The following ZMYM2 variants were observed in gnomAD, a reference collection of about 807,000 sequenced individuals.
The protein encoded by ZMYM2 is zinc finger MYM-type protein 2.
Under a neutral mutation model 162.8 loss-of-function variants are expected in ZMYM2, and 56 were observed. That is an observed-to-expected ratio of 0.34 (90% CI 0.28 to 0.43). The LOEUF (loss-of-function observed/expected upper bound fraction) is 0.43. Ranked by LOEUF, ZMYM2 falls within the 20% of genes least tolerant of loss-of-function variation. ZMYM2 has a pLI of 1.00. For missense variants in ZMYM2, 1,275 were observed against 1,621.8 expected (o/e 0.79, Z 3.67); for synonymous variants, 510 against 541.6 (o/e 0.94, Z 0.81).
intron 15 of ZMYM2, among the ~76,000 whole-genome samples, chr13:20,059,207 G>GT (rs1409664977): frequency 3.3e-5 from 5 of 149,588 alleles, no homozygotes; most frequent in Admixed American, 6.7e-5. Context: ...TTTAAAGGAT[G>GT]TTTTCTTTCT....
intron 6 of ZMYM2, among the ~76,000 whole-genome samples, chr13:20,009,210 G>C (rs185871949): frequency 1.3e-5 from 2 of 152,048 alleles, no homozygotes; most frequent in African/African-American, 4.8e-5. Context: ...GGACTTCAGC[G>C]CAGACAAAAT....
the ZMYM2 span, among the ~76,000 whole-genome samples, chr13:19,878,590 C>T: frequency 1.4e-5 from 2 of 146,146 alleles, no homozygotes; most frequent in Non-Finnish European, 3.0e-5. Flanking sequence ...GGCACCATCT[C>T]GGCTCACTGC....
the ZMYM2 span, among the ~76,000 whole-genome samples, chr13:19,912,913 G>A: frequency 6.6e-6 from 1 of 152,142 alleles, no homozygotes; most frequent in African/African-American, 2.4e-5. Flanking sequence ...CAAAATAGAG[G>A]CATAACACCT....
At chr13:19,907,729 T>C in the ZMYM2 span, among the ~76,000 whole-genome samples, 3 of 109,712 alleles carry the variant, frequency 2.7e-5, no homozygotes, top group South Asian at 9.6e-4. Context: ...GCCACTGCAC[T>C]CCAGCCTGGG....
chr13:19,919,840 G>C, the ZMYM2 span, among the ~76,000 whole-genome samples: 4 of 151,968 alleles, frequency 2.6e-5, no homozygotes, highest in South Asian at 8.3e-4. Flanking sequence ...ACACCTGGCC[G>C]ATTTTTGTAT....
At chr13:19,930,675 G>A in the ZMYM2 span, among the ~76,000 whole-genome samples, 1 of 150,572 alleles carries the variant, frequency 6.6e-6, no homozygotes, top group Non-Finnish European at 1.5e-5. Context: ...GAATAGCTGG[G>A]ATTACAGACG....
In ZMYM2 at chr13:20,039,473, G is replaced by GT. The variant is rs71070289; in HGVS notation, c.2292+2582dup. Among the ~76,000 whole-genome samples the GT allele has an allele frequency of 2.4e-3, 240 of 101,200 alleles. 2 individuals carry two copies. Among genetic ancestry groups the GT allele is most frequent in the South Asian group, 3.8e-3 (11 of 2,904 alleles). The allele number at this position is 101,200 out of a possible 152,430, so 66.4% of individuals were successfully genotyped here. A position where few individuals can be genotyped will look rare whatever the true frequency, so the allele number is the denominator to read the frequency against. On this transcript the variant is annotated intron_variant, in intron 12 of 24. Coordinates refer to ENST00000610343, the MANE Select transcript of ZMYM2 (RefSeq NM_197968.4). ...TTCTTCAATACCTAGTTTATTGAGAGTTTTTTTTTTTTTTTTTTGACATGG... is the reference window on the plus strand; with the variant it reads ...TTCTTCAATACCTAGTTTATTGAGAGTTTTTTTTTTTTTTTTTTTGACATGG...
the ZMYM2 span, among the ~76,000 whole-genome samples, chr13:19,891,770 C>T: frequency 6.6e-6 from 1 of 151,716 alleles, no homozygotes. Context: ...GCTCAAGATC[C>T]TCCCTCTAAA....
At chr13:19,878,153 A>G in the ZMYM2 span, among the ~76,000 whole-genome samples, 1 of 151,836 alleles carries the variant, frequency 6.6e-6, no homozygotes, top group African/African-American at 2.4e-5. Flanking sequence ...CCTGGGTTCA[A>G]TCGATTCTCC....
chr13:19,893,512 T>G, the ZMYM2 span, among the ~76,000 whole-genome samples: 5 of 151,544 alleles, frequency 3.3e-5, no homozygotes, highest in African/African-American at 7.3e-5. Flanking sequence ...CCAAGGCGGG[T>G]GGATCACTTG....
At chr13:19,873,153 T>G in the ZMYM2 span, among the ~76,000 whole-genome samples, 1 of 152,316 alleles carries the variant, frequency 6.6e-6, no homozygotes, top group Non-Finnish European at 1.5e-5. Flanking sequence ...TCACTCATAC[T>G]GATAGAATAA....
chr13:20,073,069 G>A (rs1052388058), intron 21 of ZMYM2, among the ~76,000 whole-genome samples: 1 of 151,946 alleles, frequency 6.6e-6, no homozygotes, highest in Non-Finnish European at 1.5e-5. Context: ...CACCACATCT[G>A]GCTAATTTTT....
rs1958407901 is a variant in ZMYM2, at chr13:20,088,773, A to G, written c.*2759A>G. The G allele has an allele frequency of 5.1e-6, 1 of 195,548 alleles. No individual in the cohort carries two copies. Among genetic ancestry groups the G allele is most frequent in the African/African-American group, 2.3e-5 (1 of 43,310 alleles). 12.1% of individuals were successfully genotyped at this position (195,548 alleles called of 1,614,324 possible). On this transcript the variant is annotated 3_prime_UTR_variant, in exon 25 of 25. Coordinates refer to ENST00000610343, the MANE Select transcript of ZMYM2 (RefSeq NM_197968.4). The stretch of plus-strand genomic sequence containing the variant: ...CAAATTTATCACTGTTTTTTCTGAC[A>G]GACTTTCCCTTTGTCCTTTCTAGTT...
At chr13:19,977,649 C>G (rs1357793246) in intron 2 of ZMYM2, among the ~76,000 whole-genome samples, 1 of 150,900 alleles carries the variant, frequency 6.6e-6, no homozygotes, top group Non-Finnish European at 1.5e-5. Flanking sequence ...GCCACCACGC[C>G]TGGCTAATTT....
chr13:20,018,839 G>A (rs1450679874), intron 6 of ZMYM2, among the ~76,000 whole-genome samples: 1 of 152,066 alleles, frequency 6.6e-6, no homozygotes, highest in Non-Finnish European at 1.5e-5. Context: ...CAGCACTTTG[G>A]GAGGCCCAGG....
At chr13:20,079,329 AAAAAAAAAAAAAAAG>A (rs1421672264) in intron 21 of ZMYM2, among the ~76,000 whole-genome samples, 2 of 141,864 alleles carry the variant, frequency 1.4e-5, no homozygotes, top group African/African-American at 2.5e-5. Flanking sequence ...AAAAAAAAAA[AAAAAAAAAAAAAAAG>A]GATACTTAAT....
intron 21 of ZMYM2, among the ~76,000 whole-genome samples, chr13:20,075,669 C>CTTTTTTT: frequency 1.8e-5 from 2 of 109,326 alleles, no homozygotes; most frequent in African/African-American, 8.1e-5. Context: ...ACTATAGACA[C>CTTTTTTT]CTTTTTTTTT....
At chr13:19,899,012 G>C in the ZMYM2 span, among the ~76,000 whole-genome samples, 36 of 146,620 alleles carry the variant, frequency 2.5e-4, no homozygotes, top group African/African-American at 8.9e-4. Flanking sequence ...CACAATCCTC[G>C]CTTGATCTCA....
chr13:20,080,211 G>C (rs547216046), intron 21 of ZMYM2, among the ~76,000 whole-genome samples: 2 of 152,258 alleles, frequency 1.3e-5, no homozygotes, highest in Middle Eastern at 6.8e-3. Flanking sequence ...TGATTTGCCA[G>C]GCTTTTATCA....
Sources: gnomAD v4.1 joint callset for allele counts (sites outside exome capture counted in the v4.1 genomes callset) on GRCh38, gnomAD v4.1.1 for gene constraint, MANE v1.5 for transcripts, NCBI Gene and HGNC (gene_info 2026-07-23, HGNC 2026-07-21) for gene names.